FAM20C: variants seen among roughly 807,000 people sequenced by gnomAD.
The protein encoded by FAM20C is FAM20C golgi associated secretory pathway kinase.
In FAM20C, 40 loss-of-function variants were observed where a neutral mutation model predicts 51.5. The observed-to-expected ratio is 0.78, with a 90% confidence interval of 0.60 to 1.01. The LOEUF is 1.01. Ranked by LOEUF, FAM20C falls within the 50% of genes least tolerant of loss-of-function variation. The pLI is 0.00. For missense variants in FAM20C, 861 were observed against 844.7 expected, an observed-to-expected ratio of 1.02 and a Z score of -0.24; for synonymous variants, 406 against 380.6, an observed-to-expected ratio of 1.07 and a Z score of -0.78.
At chr7:230,370 G>T (rs1787611793) in intron 3 of FAM20C, among the ~76,000 whole-genome samples, 1 of 86,860 alleles carries the variant, frequency 1.2e-5, no homozygotes, top group Non-Finnish European at 2.5e-5. Flanking sequence ...CCCAGGACGG[G>T]GTGGGGGGGG....
At chr7:258,009 AGATGGGGCTGGGTGGACCCACTGCCCG>A (rs1455498976) in intron 8 of FAM20C, among the ~76,000 whole-genome samples, 4 of 57,402 alleles carry the variant, frequency 7.0e-5, no homozygotes, top group East Asian at 4.4e-4. Context: ...GGGGTGCTGG[AGATGGGGCTGGGTGGACCCACTGCCCG>A]GGTGCTGGAG....
At chr7:257,843 AC>A (rs1173906321) in intron 8 of FAM20C, among the ~76,000 whole-genome samples, 2 of 118,662 alleles carry the variant, frequency 1.7e-5, no homozygotes, top group African/African-American at 7.0e-5. Flanking sequence ...GGCAGGGTGG[AC>A]CCACTGCCTG....
chr7:232,171 G>A (rs555607077), intron 3 of FAM20C, among the ~76,000 whole-genome samples: 100 of 152,328 alleles, frequency 6.6e-4, no homozygotes, highest in Non-Finnish European at 2.4e-4. Context: ...CTTTGCTGAC[G>A]CCCTGAGCTG....
chr7:256,532 G>T lies in FAM20C; in HGVS notation c.1254-122G>T, dbSNP rs927178694. 5.2e-6 allele frequency: 4 copies of T among 766,978 alleles called. 1 individual carries two copies. In the Admixed American group the frequency reaches 6.5e-5, roughly 13 times the overall value. The allele number at this position is 766,978 out of a possible 1,614,324, so 47.5% of individuals were successfully genotyped here. A position where few individuals can be genotyped will look rare whatever the true frequency, so the allele number is the denominator to read the frequency against. On this transcript the variant is annotated intron_variant, in intron 6 of 9. Transcript: ENST00000313766. Reference sequence around the variant, plus strand: ...TAATGCAGCCTCAGCGCCGCAGCCCGGGCGGGTCCATCTGCAGACGCCAAG... The same window carrying T: ...TAATGCAGCCTCAGCGCCGCAGCCCTGGCGGGTCCATCTGCAGACGCCAAG...
At chr7:244,912 C>T (rs1788087729) in intron 3 of FAM20C, among the ~76,000 whole-genome samples, 2 of 152,200 alleles carry the variant, frequency 1.3e-5, no homozygotes, top group Non-Finnish European at 1.5e-5. Context: ...AGAAACGTTC[C>T]GGGAACACGG....
At chr7:237,145 G>C (rs1417160476) in intron 3 of FAM20C, among the ~76,000 whole-genome samples, 1 of 152,218 alleles carries the variant, frequency 6.6e-6, no homozygotes, top group Non-Finnish European at 1.5e-5. Flanking sequence ...TCTGTGAACA[G>C]CCAGCGTCAT....
intron 9 of FAM20C, 118 bp downstream of exon 9, chr7:258,823 CGAATTCAACCACAGCCCT>C (rs1788753453): frequency 2.9e-6 from 3 of 1,021,858 alleles, no homozygotes; most frequent in Non-Finnish European, 4.2e-6. Flanking sequence ...GAAAAGGCCC[CGAATTCAACCACAGCCCT>C]GAATTCAACC....
rs901426490 is a variant in FAM20C, at chr7:214,273, C to T, written c.863+5297C>T. Reference sequence around the variant, plus strand: ...CCGGGAGGCGGAGGTTGCAGTGAGCCGAGATCACGCCACCGCACTCCAGCC... The same window carrying T: ...CCGGGAGGCGGAGGTTGCAGTGAGCTGAGATCACGCCACCGCACTCCAGCC... On this transcript the variant is annotated intron_variant, in intron 3 of 9. Transcript: ENST00000313766. Among the ~76,000 whole-genome samples the T allele has an allele frequency of 1.6e-4, 24 of 151,842 alleles. 1 individual carries two copies. Among genetic ancestry groups the T allele is most frequent in the African/African-American group, 3.9e-4 (16 of 41,340 alleles).
At chr7:258,486 G>GGGGT in intron 8 of FAM20C, among the ~76,000 whole-genome samples, 160 bp from the exon 9 acceptor site, 1 of 108,798 alleles carries the variant, frequency 9.2e-6, no homozygotes, top group African/African-American at 4.3e-5. Flanking sequence ...GGAGATGGGT[G>GGGGT]GGATGGACCC....
At chr7:233,386 T>A (rs1399971354) in intron 3 of FAM20C, among the ~76,000 whole-genome samples, 1 of 152,224 alleles carries the variant, frequency 6.6e-6, no homozygotes, top group Non-Finnish European at 1.5e-5. Context: ...ACCGTGTCCA[T>A]CTGCCCTGCC....
At chr7:208,783 G>A in intron 2 of FAM20C, 115 bp from the exon 3 acceptor site, 1 of 995,344 alleles carries the variant, frequency 1.0e-6, no homozygotes, top group South Asian at 1.7e-5. Context: ...GGCAGAGTGG[G>A]ACCCCTGGAC....
At chr7:203,350 A>G (rs1477463023) in intron 2 of FAM20C, among the ~76,000 whole-genome samples, 1 of 152,000 alleles carries the variant, frequency 6.6e-6, no homozygotes, top group East Asian at 1.9e-4. Flanking sequence ...ACTTTGGTCT[A>G]TCTTCAAGAA....
chr7:195,406 G>C, intron 1 of FAM20C, 148 bp from the exon 2 acceptor site: 1 of 636,306 alleles, frequency 1.6e-6, no homozygotes, highest in Non-Finnish European at 2.4e-6. Flanking sequence ...AGACGTTGCA[G>C]GGCCCTCTTT....
At chr7:245,689 C>G (rs1351254187) in intron 3 of FAM20C, among the ~76,000 whole-genome samples, 1 of 152,260 alleles carries the variant, frequency 6.6e-6, no homozygotes, top group Admixed American at 6.5e-5. Context: ...CGGTCAAACA[C>G]TTGCGTGGAC....
At chr7:224,440 C>T (rs868200760) in intron 3 of FAM20C, among the ~76,000 whole-genome samples, 4 of 13,422 alleles carry the variant, frequency 3.0e-4, no homozygotes, top group African/African-American at 1.1e-3. Flanking sequence ...CGGGGTCGCA[C>T]GGCGGCTGTC....
intron 1 of FAM20C, among the ~76,000 whole-genome samples, chr7:194,348 G>A (rs1785744511): frequency 6.6e-6 from 1 of 152,026 alleles, no homozygotes. Flanking sequence ...ATGATGGCTC[G>A]ATAAAGGGCG....
intron 3 of FAM20C, among the ~76,000 whole-genome samples, chr7:214,627 C>G (rs34407775): frequency 6.6e-6 from 1 of 151,978 alleles, no homozygotes; most frequent in Non-Finnish European, 1.5e-5. Context: ...GTGCCCTCAC[C>G]TCCTGGAACT....
chr7:200,754 A>G (rs1380164455), intron 2 of FAM20C, among the ~76,000 whole-genome samples: 1 of 152,182 alleles, frequency 6.6e-6, no homozygotes, highest in Non-Finnish European at 1.5e-5. Flanking sequence ...TGTGTGATGG[A>G]CGGGACTTTG....
At chr7:245,607 C>T (rs146818779) in intron 3 of FAM20C, among the ~76,000 whole-genome samples, 4,913 of 152,332 alleles carry the variant, frequency 0.032, 128 homozygotes, top group South Asian at 0.089. Flanking sequence ...CACGCTTACA[C>T]GCTTACGCGC....
Sources: allele counts gnomAD v4.1 joint callset (sites outside exome capture counted in the v4.1 genomes callset), GRCh38; gene constraint gnomAD v4.1.1; transcripts MANE v1.5; gene names NCBI Gene and HGNC (gene_info 2026-07-23, HGNC 2026-07-21).